TNFRSF9: variants seen among roughly 807,000 people sequenced by gnomAD.
TNFRSF9 encodes the protein TNF receptor superfamily member 9, also known as tumor necrosis factor receptor superfamily member 9.
In TNFRSF9, 16 loss-of-function variants were observed where a neutral mutation model predicts 28.8. That is an observed-to-expected ratio of 0.55 (90% CI 0.38 to 0.84). The LOEUF is 0.84. Ranked by LOEUF, TNFRSF9 falls within the 40% of genes least tolerant of loss-of-function variation. The probability of loss-of-function intolerance (pLI) is 0.00; values close to 1 mark genes in which losing one functional copy is unlikely to be tolerated. For missense variants in TNFRSF9, 303 were observed against 315.0 expected, an observed-to-expected ratio of 0.96 and a Z score of 0.29; for synonymous variants, 131 against 117.0, an observed-to-expected ratio of 1.12 and a Z score of -0.77.
intron 7 of TNFRSF9, among the ~76,000 whole-genome samples, chr1:7,924,760 C>T (rs1303843994): frequency 6.6e-6 from 1 of 152,134 alleles, no homozygotes; most frequent in African/African-American, 2.4e-5. Flanking sequence ...CATGTTTTTG[C>T]CCCAAAGATC....
chr1:7,930,178 G>A (rs557038363), intron 7 of TNFRSF9, among the ~76,000 whole-genome samples: 119 of 151,986 alleles, frequency 7.8e-4, no homozygotes, highest in Non-Finnish European at 1.1e-3. Context: ...ACCATGGCCA[G>A]GCTGGTGTTG....
In TNFRSF9 at chr1:7,917,955, G is replaced by GAGATATATATAT. The variant is rs1553339303; in HGVS notation, c.*2879_*2880insATATATATATCT. 1 of 136,422 alleles carries GAGATATATATAT rather than the reference G, an allele frequency of 7.3e-6. No individual in the cohort carries two copies. The highest frequency in any genetic ancestry group is 2.9e-5 in the African/African-American group (1 of 34,608). 8.5% of individuals were successfully genotyped at this position (136,422 alleles called of 1,614,324 possible). ...AAAAAGGGAAAAATAAATTACAAAGGATATATATATATATATATATAGATA... is the reference window on the plus strand; with the variant it reads ...AAAAAGGGAAAAATAAATTACAAAGGAGATATATATATATATATATATATATATATATAGATA... On this transcript the variant is annotated 3_prime_UTR_variant, in exon 8 of 8. Transcript: ENST00000377507.
rs550366423 is a variant in TNFRSF9, at chr1:7,934,453, G to A, written c.544+560C>T. Among the ~76,000 whole-genome samples, 6 of 151,860 alleles carry A rather than the reference G, an allele frequency of 4.0e-5. 2 individuals are homozygous for A. Among genetic ancestry groups the A allele is most frequent in the African/African-American group, 1.4e-4 (6 of 41,400 alleles). ...TGGACGGGCGTGGTGGCTCACACCTGTAATCCCAGCACTTTGGGAGGCCGA... is the reference window on the plus strand; with the variant it reads ...TGGACGGGCGTGGTGGCTCACACCTATAATCCCAGCACTTTGGGAGGCCGA... On this transcript the variant is annotated intron_variant, in intron 6 of 7. Transcript: ENST00000377507.
intron 4 of TNFRSF9, 59 bp from the exon 5 acceptor site, chr1:7,937,815 T>C (rs1639843156): frequency 4.1e-6 from 6 of 1,462,322 alleles, no homozygotes; most frequent in Non-Finnish European, 5.7e-6. Flanking sequence ...TTTGTAACTT[T>C]TCCTGTGATG....
chr1:7,916,612 C>T lies in TNFRSF9; in HGVS notation c.*4223G>A, dbSNP rs560787820. ...CAGTAGGTAATTAAACACCATGTGT[C>T]CAAAGCCAAGAGGAGAAATCACTTT... On this transcript the variant is annotated 3_prime_UTR_variant, in exon 8 of 8. Coordinates refer to ENST00000377507, the MANE Select transcript of TNFRSF9 (RefSeq NM_001561.6). 2.6e-5 allele frequency: 4 copies of T among 152,264 alleles called. No individual in the cohort carries two copies. Among genetic ancestry groups the T allele is most frequent in the South Asian group, 4.1e-4 (2 of 4,820 alleles). The allele number at this position is 152,264 out of a possible 1,614,324, so 9.4% of individuals were successfully genotyped here.
intron 7 of TNFRSF9, among the ~76,000 whole-genome samples, chr1:7,923,565 G>T (rs1264069395): frequency 6.6e-6 from 1 of 152,236 alleles, no homozygotes; most frequent in Non-Finnish European, 1.5e-5. Flanking sequence ...GAAACTGGGT[G>T]TGGGGGCTCA....
intron 7 of TNFRSF9, among the ~76,000 whole-genome samples, chr1:7,922,660 A>C (rs1363614621): frequency 6.6e-6 from 1 of 151,894 alleles, no homozygotes; most frequent in Non-Finnish European, 1.5e-5. Flanking sequence ...AAAAACACAA[A>C]AATTAGCTGG....
At chr1:7,935,266 C>T (rs1339682398) in intron 5 of TNFRSF9, 123 bp from the exon 6 acceptor site, 4 of 1,085,804 alleles carry the variant, frequency 3.7e-6, no homozygotes, top group Admixed American at 5.7e-5. Flanking sequence ...GGTCTGGGTT[C>T]GAAAGCGATG....
intron 7 of TNFRSF9, 49 bp downstream of exon 7, chr1:7,933,113 T>C: frequency 3.2e-6 from 5 of 1,546,880 alleles, no homozygotes; most frequent in African/African-American, 1.4e-5. Context: ...CTTTCTATTA[T>C]AAAAAGCCTT....
intron 7 of TNFRSF9, among the ~76,000 whole-genome samples, chr1:7,932,681 G>A (rs1639748960): frequency 1.4e-5 from 2 of 146,952 alleles, no homozygotes; most frequent in African/African-American, 5.1e-5. Context: ...ATACACACAC[G>A]CACGCACGCG....
At chr1:7,932,497 G>T (rs1201340710) in intron 7 of TNFRSF9, among the ~76,000 whole-genome samples, 2 of 152,064 alleles carry the variant, frequency 1.3e-5, no homozygotes, top group Non-Finnish European at 2.9e-5. Flanking sequence ...AATCCATACT[G>T]GTGCTGTAAT....
Position 7,920,746 on chromosome 1 carries a change from G to C in TNFRSF9, c.*89C>G. 1 of 1,043,264 alleles carries C rather than the reference G, an allele frequency of 9.6e-7. No homozygotes were observed. Among genetic ancestry groups the C allele is most frequent in the Admixed American group, 1.7e-5 (1 of 57,242 alleles). 64.6% of individuals were successfully genotyped at this position (1,043,264 alleles called of 1,614,324 possible). The stretch of plus-strand genomic sequence containing the variant: ...AATCCTGGGTATTATGTAGGATGGT[G>C]TTCTTGCTTTTGAAAGCTGTGATAG... On this transcript the variant is annotated 3_prime_UTR_variant, in exon 8 of 8. Coordinates refer to ENST00000377507, the MANE Select transcript of TNFRSF9 (RefSeq NM_001561.6).
rs1018529169 is a variant in TNFRSF9, at chr1:7,920,195, G to T, written c.*640C>A. The T allele has an allele frequency of 6.6e-6, 1 of 151,596 alleles. No individual in the cohort carries two copies. Among genetic ancestry groups the T allele is most frequent in the African/African-American group, 2.4e-5 (1 of 41,184 alleles). 9.4% of individuals were successfully genotyped at this position (151,596 alleles called of 1,614,324 possible). A position where few individuals can be genotyped will look rare whatever the true frequency, so the allele number is the denominator to read the frequency against. On this transcript the variant is annotated 3_prime_UTR_variant, in exon 8 of 8. Transcript: ENST00000377507. ...CAAAAAACAAACCTGCATTGATTTT[G>T]ATTATAATTATAGTTGGACCACTGG...
Position 7,940,013 on chromosome 1 carries a change from T to C in TNFRSF9, c.-19A>G, listed in dbSNP as rs1639879596. On this transcript the variant is annotated 5_prime_UTR_variant, in exon 2 of 8. In the 5' UTR this introduces an upstream ATG that the reference lacks. Coordinates refer to ENST00000377507, the MANE Select transcript of TNFRSF9 (RefSeq NM_001561.6). Reference sequence around the variant, plus strand: ...TTCCCATGATGAAATCTGGCACAGGTATGATACTAGCAAAGCTGATTCCAA... The same window carrying C: ...TTCCCATGATGAAATCTGGCACAGGCATGATACTAGCAAAGCTGATTCCAA... The C allele has an allele frequency of 6.5e-7, 1 of 1,547,114 alleles. No homozygotes were observed. Among genetic ancestry groups the C allele is most frequent in the East Asian group, 2.3e-5 (1 of 43,790 alleles).
In TNFRSF9 at chr1:7,917,706, G is replaced by A. The variant is rs1639499275; in HGVS notation, c.*3129C>T. On this transcript the variant is annotated 3_prime_UTR_variant, in exon 8 of 8. Coordinates refer to ENST00000377507, the MANE Select transcript of TNFRSF9 (RefSeq NM_001561.6). ...TATAAATTTAACCAAATCAAATGAA[G>A]AACTTTTTGCTTATTACCAGAAAGA... The A allele has an allele frequency of 6.6e-6, 1 of 151,886 alleles. No homozygotes were observed. The highest frequency in any genetic ancestry group is 1.5e-5 in the Non-Finnish European group (1 of 67,990). The allele number at this position is 151,886 out of a possible 1,614,324, so 9.4% of individuals were successfully genotyped here. A position where few individuals can be genotyped will look rare whatever the true frequency, so the allele number is the denominator to read the frequency against.
chr1:7,931,237 T>C (rs1639727454), intron 7 of TNFRSF9, among the ~76,000 whole-genome samples: 1 of 152,244 alleles, frequency 6.6e-6, no homozygotes, highest in Admixed American at 6.5e-5. Context: ...GATACACATG[T>C]TCCTTGTAGC....
chr1:7,931,377 C>T (rs987360071), intron 7 of TNFRSF9, among the ~76,000 whole-genome samples: 6 of 152,226 alleles, frequency 3.9e-5, no homozygotes, highest in African/African-American at 1.4e-4. Flanking sequence ...AATGATCCCG[C>T]TGTCCATCAG....
chr1:7,917,022 C>CCG lies in TNFRSF9; in HGVS notation c.*3812_*3813insCG, dbSNP rs1162791488. ...TCGGCTCACTGCAACCTCCGCCCCC[C>CCG]GGGTTCAAGCAATTCTCCGGCCTCA... On this transcript the variant is annotated 3_prime_UTR_variant, in exon 8 of 8. Transcript: ENST00000377507. 6.6e-6 allele frequency: 1 copy of CCG among 152,152 alleles called. No homozygotes were observed. The highest frequency in any genetic ancestry group is 6.5e-5 in the Admixed American group (1 of 15,270). The allele number at this position is 152,152 out of a possible 1,614,324, so 9.4% of individuals were successfully genotyped here. A position where few individuals can be genotyped will look rare whatever the true frequency, so the allele number is the denominator to read the frequency against.
At chr1:7,927,747 A>C (rs1451284033) in intron 7 of TNFRSF9, among the ~76,000 whole-genome samples, 2 of 152,054 alleles carry the variant, frequency 1.3e-5, no homozygotes, top group East Asian at 1.9e-4. Flanking sequence ...AAAAACCCTA[A>C]ATCTTTGAGA....
Sources: gnomAD v4.1 joint callset for allele counts (sites outside exome capture counted in the v4.1 genomes callset) on GRCh38, gnomAD v4.1.1 for gene constraint, MANE v1.5 for transcripts, NCBI Gene and HGNC (gene_info 2026-07-23, HGNC 2026-07-21) for gene names.